Variants in PARD3 observed in about 807,000 individuals in gnomAD.
PARD3 encodes partitioning defective 3 homolog.
A neutral mutation model predicts 155.4 loss-of-function variants in PARD3; 75 were observed. The ratio of observed to expected loss-of-function variants is 0.48; its 90% CI spans 0.40 to 0.58. The LOEUF is 0.58. Among genes scored for constraint, PARD3 ranks in the 20% least tolerant of loss-of-function variants. PARD3 has a pLI of 0.00. For missense variants in PARD3, 1,642 were observed against 1,721.7 expected (o/e 0.95, Z 0.82); for synonymous variants, 576 against 610.5 (o/e 0.94, Z 0.83).
intron 2 of PARD3, among the ~76,000 whole-genome samples, chr10:34,616,395 A>C (rs943081748): frequency 2.0e-5 from 3 of 152,194 alleles, no homozygotes; most frequent in African/African-American, 7.2e-5. Flanking sequence ...ACCCAATGGA[A>C]AAGAAATCAG....
chr10:34,357,068 A>G (rs1214208004), intron 14 of PARD3, among the ~76,000 whole-genome samples: 2 of 152,202 alleles, frequency 1.3e-5, no homozygotes, highest in Admixed American at 1.3e-4. Flanking sequence ...GAGATATTTC[A>G]GGGGGATTCC....
At chr10:34,556,123 A>G (rs1452052617) in intron 2 of PARD3, among the ~76,000 whole-genome samples, 1 of 152,242 alleles carries the variant, frequency 6.6e-6, no homozygotes, top group African/African-American at 2.4e-5. Context: ...AGCAGAAATC[A>G]GAGACTGAAT....
At chr10:34,147,095 TAAAA>T in intron 22 of PARD3, among the ~76,000 whole-genome samples, 1 of 148,924 alleles carries the variant, frequency 6.7e-6, no homozygotes, top group East Asian at 2.0e-4. Flanking sequence ...ATATTTAACT[TAAAA>T]AAAAAAAACT....
chr10:34,545,594 G>A (rs1312089826), intron 2 of PARD3, among the ~76,000 whole-genome samples: 10 of 151,974 alleles, frequency 6.6e-5, no homozygotes, highest in Non-Finnish European at 2.9e-5. Context: ...TCGCTCTGTC[G>A]CCCAGGCTGG....
chr10:34,215,489 G>A (rs541900523), intron 22 of PARD3, among the ~76,000 whole-genome samples: 5 of 152,300 alleles, frequency 3.3e-5, no homozygotes, highest in South Asian at 2.1e-4. Flanking sequence ...ACAAGAAAGC[G>A]TGGAATTTGC....
chr10:34,679,784 C>T (rs546597358), intron 2 of PARD3, among the ~76,000 whole-genome samples: 1 of 152,230 alleles, frequency 6.6e-6, no homozygotes, highest in African/African-American at 2.4e-5. Flanking sequence ...TAAGACAAGT[C>T]GTCTGTGCAG....
At chr10:34,745,828 C>T (rs111823805) in intron 1 of PARD3, among the ~76,000 whole-genome samples, 4,695 of 152,184 alleles carry the variant, frequency 0.031, 232 homozygotes, top group African/African-American at 0.11. Context: ...CGGCCAGGCG[C>T]GGTGGCTCAC....
At chr10:34,312,250 A>G in intron 20 of PARD3, 2 of 1,584,100 alleles carry the variant, frequency 1.3e-6, no homozygotes, top group Non-Finnish European at 1.7e-6. Flanking sequence ...ATTCGTCAAC[A>G]GCCACTAAGA....
intron 22 of PARD3, among the ~76,000 whole-genome samples, chr10:34,155,399 A>G (rs191658310): frequency 5.0e-4 from 76 of 152,354 alleles, no homozygotes; most frequent in Non-Finnish European, 8.7e-4. Flanking sequence ...AGGAGACTAC[A>G]GCAAATGAAA....
chr10:34,209,082 T>C (rs892084709), intron 22 of PARD3, among the ~76,000 whole-genome samples: 2 of 152,214 alleles, frequency 1.3e-5, no homozygotes, highest in African/African-American at 4.8e-5. Context: ...ATAAAAAATG[T>C]AAGACAAAGT....
chr10:34,231,061 C>T (rs1003028109), intron 22 of PARD3, among the ~76,000 whole-genome samples: 7 of 151,980 alleles, frequency 4.6e-5, no homozygotes, highest in Admixed American at 1.3e-4. Context: ...ACTCAGGTTA[C>T]TCCAGTTGTA....
At chr10:34,299,166 G>A (rs919642387) in intron 20 of PARD3, among the ~76,000 whole-genome samples, 4 of 152,198 alleles carry the variant, frequency 2.6e-5, no homozygotes, top group African/African-American at 9.7e-5. Context: ...CCAACAGAGT[G>A]CGAGGAGGAG....
rs1839197701 is a variant in PARD3, at chr10:34,359,129, C to CT, written c.2067+17dup. On this transcript the variant is annotated intron_variant, in intron 14 of 24. Coordinates refer to ENST00000374788, the MANE Select transcript of PARD3 (RefSeq NM_001184785.2). ...TTATTTACAATTTTAGATACTAGCA[C>CT]TTTTTTGCATTTCTTACCTCATTGC... 4 of 1,600,962 alleles carry CT rather than the reference C, an allele frequency of 2.5e-6. No individual in the cohort carries two copies. The highest frequency in any genetic ancestry group is 1.3e-5 in the African/African-American group (1 of 74,410).
chr10:34,388,800 T>A (rs770109174), intron 7 of PARD3, among the ~76,000 whole-genome samples: 2 of 151,912 alleles, frequency 1.3e-5, no homozygotes, highest in African/African-American at 2.4e-5. Context: ...ATAAAAGAGG[T>A]AGGTGTCAGG....
At chr10:34,716,585 C>CTTTTTTTTTTTTTTTTTTTTTT (rs34751073) in intron 1 of PARD3, among the ~76,000 whole-genome samples, 1 of 73,246 alleles carries the variant, frequency 1.4e-5, no homozygotes, top group Non-Finnish European at 2.5e-5. Context: ...GATGGCTTTT[C>CTTTTTTTTTTTTTTTTTTTTTT]TTTTTTTTTT....
At chr10:34,660,528 G>A (rs1259427594) in intron 2 of PARD3, among the ~76,000 whole-genome samples, 2 of 152,004 alleles carry the variant, frequency 1.3e-5, no homozygotes, top group Non-Finnish European at 2.9e-5. Context: ...AGGGAGCCTC[G>A]GAGGGCATGG....
intron 1 of PARD3, among the ~76,000 whole-genome samples, chr10:34,755,799 C>T (rs1240299380): frequency 6.6e-6 from 1 of 152,070 alleles, no homozygotes; most frequent in Non-Finnish European, 1.5e-5. Flanking sequence ...CCTTCTGTCT[C>T]AATCAACCAA....
Position 34,589,735 on chromosome 10 carries a change from TCA to T in PARD3, c.223-72578_223-72577del, listed in dbSNP as rs1472980607. Among the ~76,000 whole-genome samples the T allele has an allele frequency of 1.2e-4, 14 of 114,202 alleles. No individual in the cohort carries two copies. In the East Asian group the frequency reaches 3.2e-3, roughly 26 times the overall value. 74.9% of individuals were successfully genotyped at this position (114,202 alleles called of 152,430 possible). On this transcript the variant is annotated intron_variant, in intron 2 of 24. Coordinates refer to ENST00000374788, the MANE Select transcript of PARD3 (RefSeq NM_001184785.2). ...TCATTGTATCTTGTTAATCCTGAAT[TCA>T]CAGTTTTACTGGGGGGCTGGGGTGG...
At chr10:34,754,830 C>T (rs893066051) in intron 1 of PARD3, among the ~76,000 whole-genome samples, 22 of 152,106 alleles carry the variant, frequency 1.4e-4, no homozygotes, top group African/African-American at 3.4e-4. Context: ...TGTTAATAAA[C>T]GACATTTATG....
Sources: gnomAD v4.1 joint callset for allele counts (sites outside exome capture counted in the v4.1 genomes callset) on GRCh38, gnomAD v4.1.1 for gene constraint, MANE v1.5 for transcripts, NCBI Gene and HGNC (gene_info 2026-07-23, HGNC 2026-07-21) for gene names.